NPSR1: variants seen among roughly 807,000 people sequenced by gnomAD.
The protein encoded by NPSR1 is neuropeptide S receptor 1.
NPSR1 carries 48 observed loss-of-function variants against 46.9 expected under a neutral mutation model. That is an observed-to-expected ratio of 1.02 (90% CI 0.81 to 1.30). The LOEUF (loss-of-function observed/expected upper bound fraction) is 1.30, where lower values mean the gene tolerates loss of function less well. Among genes scored for constraint, NPSR1 ranks in the 50% most tolerant of loss-of-function variants. The pLI, the probability that NPSR1 is intolerant of heterozygous loss-of-function variation, is 0.00. For synonymous variants in NPSR1, 176 were observed against 168.1 expected, an observed-to-expected ratio of 1.05 and a Z score of -0.36; for missense variants, 450 against 449.5, an observed-to-expected ratio of 1.00 and a Z score of -0.01.
At chr7:34,803,765 AAAAG>A (rs1788551895) in intron 3 of NPSR1, among the ~76,000 whole-genome samples, 1 of 151,806 alleles carries the variant, frequency 6.6e-6, no homozygotes, top group African/African-American at 2.4e-5. Context: ...AGAAAAAAAA[AAAAG>A]AAGAGGGAAG....
intron 2 of NPSR1, chr7:34,750,681 T>C: frequency 2.8e-6 from 2 of 702,432 alleles, no homozygotes; most frequent in Admixed American, 1.8e-5. Context: ...GAACTGAAGA[T>C]GGACTCATCT....
chr7:34,809,360 C>A (rs1788869132), intron 3 of NPSR1, among the ~76,000 whole-genome samples: 1 of 150,376 alleles, frequency 6.6e-6, no homozygotes. Flanking sequence ...AACCTTTTTT[C>A]TAACTTTTAT....
intron 4 of NPSR1, among the ~76,000 whole-genome samples, chr7:34,814,083 G>A (rs1054102999): frequency 5.3e-5 from 8 of 152,194 alleles, no homozygotes; most frequent in Non-Finnish European, 8.8e-5. Flanking sequence ...GCCCATGGAG[G>A]GTGAGCCAAA....
At position 34,811,796 on chromosome 7, in the gene NPSR1, C is replaced by T. The variant is rs372990147; in HGVS notation, c.411C>T (p.Tyr137=). 33 of 1,613,258 alleles carry T rather than the reference C, an allele frequency of 2.0e-5. No individual in the cohort carries two copies. In the Admixed American group the frequency reaches 2.5e-4, roughly 12 times the overall value. The change falls in exon 4 of 9, where the codon TAC becomes TAT. Residue 137 remains tyrosine (Y), a synonymous_variant. Transcript: ENST00000360581. ...TTGTGCTGCTCTACGCCTCTACCTA[C>T]GTCCTGGTGTCCCTCAGCATAGACA... ...LQVVLLYAST[Y]VLVSLSIDRY... is the part of the protein sequence containing the mutation.
At chr7:34,799,029 T>C (rs972944254) in intron 3 of NPSR1, among the ~76,000 whole-genome samples, 2 of 152,084 alleles carry the variant, frequency 1.3e-5, no homozygotes, top group East Asian at 3.8e-4. Context: ...AATAAACTAA[T>C]CTTAGGCCTT....
chr7:34,791,808 G>A (rs1050898059), intron 3 of NPSR1, among the ~76,000 whole-genome samples: 1 of 152,092 alleles, frequency 6.6e-6, no homozygotes, highest in Admixed American at 6.6e-5. Context: ...ATATTATGAA[G>A]CTACAGTAAT....
intron 2 of NPSR1, among the ~76,000 whole-genome samples, chr7:34,768,655 A>G (rs1347372629): frequency 6.6e-6 from 1 of 152,230 alleles, no homozygotes; most frequent in Non-Finnish European, 1.5e-5. Flanking sequence ...AATATTATAT[A>G]AAACATCTAA....
intron 3 of NPSR1, chr7:34,779,543 G>T (rs921502654): frequency 4.2e-5 from 48 of 1,147,670 alleles, no homozygotes; most frequent in Non-Finnish European, 5.2e-5. Context: ...TTATTTTCAG[G>T]TCATGGTAAT....
chr7:34,750,418 G>C (rs1785458634), intron 2 of NPSR1: 2 of 745,208 alleles, frequency 2.7e-6, no homozygotes, highest in Non-Finnish European at 5.1e-6. Context: ...GATGCCGATG[G>C]GTAGTACGAC....
intron 1 of NPSR1, among the ~76,000 whole-genome samples, chr7:34,674,439 C>T (rs992290754): frequency 3.3e-5 from 5 of 152,178 alleles, no homozygotes; most frequent in Non-Finnish European, 7.3e-5. Context: ...ATATTGCCAA[C>T]TCACCTAAGC....
chr7:34,852,009 G>A (rs1310734547), downstream of NPSR1, among the ~76,000 whole-genome samples: 1 of 152,052 alleles, frequency 6.6e-6, no homozygotes, highest in African/African-American at 2.4e-5. Flanking sequence ...TGAAAATACT[G>A]GTAATTGGCC....
chr7:34,774,615 A>G (rs558949784), intron 2 of NPSR1, among the ~76,000 whole-genome samples: 2 of 152,336 alleles, frequency 1.3e-5, no homozygotes, highest in South Asian at 4.1e-4. Flanking sequence ...AATGGATGGC[A>G]TTGCTTCAGA....
Position 34,789,119 on chromosome 7 carries a change from C to T in NPSR1, c.384+10554C>T, listed in dbSNP as rs1787601223. ...AAGATAAATGAAAATGAAAACACATCATAACAAAGCTTATGGGATGCAACA... is the reference window on the plus strand; with the variant it reads ...AAGATAAATGAAAATGAAAACACATTATAACAAAGCTTATGGGATGCAACA... On this transcript the variant is annotated intron_variant, in intron 3 of 8. Transcript: ENST00000360581. 4.0e-5 allele frequency among the ~76,000 whole-genome samples: 6 copies of T among 151,830 alleles called. No homozygotes were observed. The South Asian group carries it at 1.2e-3, about 32-fold the overall frequency.
At position 34,704,385 on chromosome 7, in the gene NPSR1, T is replaced by A. The variant is rs897509171; in HGVS notation, c.280+19701T>A. On this transcript the variant is annotated intron_variant, in intron 2 of 8. Transcript: ENST00000360581. Reference sequence around the variant, plus strand: ...AACTAATAGTTTTTGCTGTCTTTTTTTAATTTCTACGTGACCATTTCTTTA... The same window carrying A: ...AACTAATAGTTTTTGCTGTCTTTTTATAATTTCTACGTGACCATTTCTTTA... Among the ~76,000 whole-genome samples, 7 of 152,174 alleles carry A rather than the reference T, an allele frequency of 4.6e-5. No individual in the cohort carries two copies. In the East Asian group the frequency reaches 5.8e-4, roughly 13 times the overall value.
At chr7:34,663,668 G>T (rs898614718) in intron 1 of NPSR1, among the ~76,000 whole-genome samples, 6 of 152,164 alleles carry the variant, frequency 3.9e-5, no homozygotes, top group Non-Finnish European at 8.8e-5. Context: ...CCCAGCATCT[G>T]ACACCACTGC....
At chr7:34,769,931 A>C (rs562512754) in intron 2 of NPSR1, among the ~76,000 whole-genome samples, 1 of 152,340 alleles carries the variant, frequency 6.6e-6, no homozygotes, top group East Asian at 1.9e-4. Flanking sequence ...ATTATCATTT[A>C]GGAGCAGTTT....
intron 2 of NPSR1, among the ~76,000 whole-genome samples, chr7:34,749,850 C>A (rs1785418823): frequency 1.3e-5 from 2 of 152,174 alleles, no homozygotes; most frequent in Admixed American, 1.3e-4. Flanking sequence ...TTAATTAAAT[C>A]TTTTAAGATG....
At chr7:34,740,941 A>AAATCCTGGATATGGAATTCTTGATTG (rs1187739830) in intron 2 of NPSR1, among the ~76,000 whole-genome samples, 1 of 152,162 alleles carries the variant, frequency 6.6e-6, no homozygotes, top group Non-Finnish European at 1.5e-5. Flanking sequence ...GAGCCTCTGT[A>AAATCCTGGATATGGAATTCTTGATTG]AATCCTGGAT....
chr7:34,680,315 TG>T (rs1446748489), intron 1 of NPSR1, among the ~76,000 whole-genome samples: 1 of 152,164 alleles, frequency 6.6e-6, no homozygotes, highest in Non-Finnish European at 1.5e-5. Flanking sequence ...AGTACATATA[TG>T]AAAGTAAGTT....
Sources: gnomAD v4.1 joint callset for allele counts (sites outside exome capture counted in the v4.1 genomes callset) on GRCh38, gnomAD v4.1.1 for gene constraint, MANE v1.5 for transcripts, NCBI Gene and HGNC (gene_info 2026-07-23, HGNC 2026-07-21) for gene names.